ARL15: variants seen among roughly 807,000 people sequenced by gnomAD.
ARL15 encodes the protein ARF like GTPase 15.
A neutral mutation model predicts 25.2 loss-of-function variants in ARL15; 19 were observed. The observed-to-expected ratio is 0.75, with a 90% CI of 0.53 to 1.10. ARL15 has a LOEUF of 1.10. ARL15 is among the 50% of genes least tolerant of loss of function. The pLI is 0.00. For missense variants in ARL15, 220 were observed against 246.0 expected (o/e 0.89, Z 0.71); for synonymous variants, 94 against 86.8 (o/e 1.08, Z -0.46).
intron 4 of ARL15, among the ~76,000 whole-genome samples, chr5:54,075,966 T>C (rs1282825081): frequency 1.3e-5 from 2 of 152,166 alleles, no homozygotes; most frequent in African/African-American, 2.4e-5. Flanking sequence ...TTTTAACCCA[T>C]TATACTACCT....
intron 4 of ARL15, among the ~76,000 whole-genome samples, chr5:54,111,607 GA>G (rs1351559015): frequency 3.9e-5 from 6 of 152,024 alleles, no homozygotes; most frequent in Non-Finnish European, 8.8e-5. Context: ...TCTTTTTTCA[GA>G]TATTGCAAAT....
intron 2 of ARL15, among the ~76,000 whole-genome samples, chr5:54,157,036 G>A (rs1283742346): frequency 6.6e-6 from 1 of 152,212 alleles, no homozygotes; most frequent in Non-Finnish European, 1.5e-5. Flanking sequence ...GTGAAATCCT[G>A]AAAATGAAAA....
chr5:53,894,483 G>GAGCAAAC (rs762905074), intron 4 of ARL15, among the ~76,000 whole-genome samples: 14 of 152,170 alleles, frequency 9.2e-5, no homozygotes, highest in Non-Finnish European at 1.9e-4. Flanking sequence ...AAGAAGTACA[G>GAGCAAAC]AGCAAACATG....
chr5:54,071,520 C>G (rs200465582), intron 4 of ARL15, among the ~76,000 whole-genome samples: 1,233 of 101,934 alleles, frequency 0.012, 57 homozygotes, highest in African/African-American at 0.02. Flanking sequence ...TCCCCCCCCC[C>G]CCCCCGCAAA....
intron 2 of ARL15, among the ~76,000 whole-genome samples, chr5:54,170,297 C>T (rs942316879): frequency 6.6e-6 from 1 of 152,184 alleles, no homozygotes; most frequent in African/African-American, 2.4e-5. Flanking sequence ...GTTGCACCAT[C>T]ACAGTAATCT....
intron 4 of ARL15, among the ~76,000 whole-genome samples, chr5:54,011,903 G>C (rs1749253518): frequency 6.6e-6 from 1 of 151,984 alleles, no homozygotes; most frequent in South Asian, 2.1e-4. Context: ...CAGCTACTGG[G>C]GAGGCTGTGG....
At chr5:54,180,018 GA>G (rs11336058) in intron 1 of ARL15, among the ~76,000 whole-genome samples, 49,435 of 109,812 alleles carry the variant, frequency 0.45, 9,646 homozygotes, top group Middle Eastern at 0.49. Flanking sequence ...ACTGTCTCGA[GA>G]AAAAAAAAAA....
chr5:53,923,347 T>G (rs930624249), intron 4 of ARL15, among the ~76,000 whole-genome samples: 1 of 152,214 alleles, frequency 6.6e-6, no homozygotes. Flanking sequence ...CTGCATAAAA[T>G]ATGACGCAGT....
intron 4 of ARL15, among the ~76,000 whole-genome samples, chr5:54,011,883 C>T (rs1749252811): frequency 6.6e-6 from 1 of 152,086 alleles, no homozygotes; most frequent in South Asian, 2.1e-4. Context: ...GTGGCACGCA[C>T]CTGTAGTCCC....
intron 4 of ARL15, among the ~76,000 whole-genome samples, chr5:53,946,747 T>C: frequency 6.6e-6 from 1 of 152,172 alleles, no homozygotes; most frequent in Admixed American, 6.5e-5. Context: ...AGCTAGCATT[T>C]TGGCAGCCCA....
intron 2 of ARL15, among the ~76,000 whole-genome samples, chr5:54,171,024 C>T (rs558208024): frequency 6.6e-6 from 1 of 152,276 alleles, no homozygotes; most frequent in Admixed American, 6.5e-5. Context: ...ACTCTTCTTT[C>T]CTTCTTCATT....
intron 4 of ARL15, among the ~76,000 whole-genome samples, chr5:54,044,786 T>C (rs1750456413): frequency 2.0e-5 from 3 of 152,228 alleles, no homozygotes; most frequent in Admixed American, 1.3e-4. Context: ...TAAAAATCTC[T>C]ACAAACATTA....
chr5:53,908,064 G>A (rs914574323), intron 4 of ARL15, among the ~76,000 whole-genome samples: 2 of 152,054 alleles, frequency 1.3e-5, no homozygotes, highest in Non-Finnish European at 2.9e-5. Flanking sequence ...ATGCAGTTTC[G>A]CTTTCCGTGG....
chr5:54,255,864 A>G (rs1037622919), intron 1 of ARL15, among the ~76,000 whole-genome samples: 1 of 152,222 alleles, frequency 6.6e-6, no homozygotes, highest in Admixed American at 6.5e-5. Flanking sequence ...ATTCTTCAAG[A>G]TGAATGATAA....
intron 4 of ARL15, among the ~76,000 whole-genome samples, chr5:53,912,967 G>A (rs1745513975): frequency 6.6e-6 from 1 of 152,192 alleles, no homozygotes; most frequent in South Asian, 2.1e-4. Context: ...GTACTAGGAA[G>A]ATGAAGCAGG....
At chr5:53,912,447 T>C (rs1008695183) in intron 4 of ARL15, among the ~76,000 whole-genome samples, 2 of 152,198 alleles carry the variant, frequency 1.3e-5, no homozygotes, top group Non-Finnish European at 2.9e-5. Context: ...TAGGTACTTA[T>C]AATAGGGTTG....
chr5:53,980,463 T>G (rs892655913), intron 4 of ARL15, among the ~76,000 whole-genome samples: 3 of 152,220 alleles, frequency 2.0e-5, no homozygotes, highest in African/African-American at 7.2e-5. Flanking sequence ...TAGGCCCCAA[T>G]TTTAAGCGCT....
intron 3 of ARL15, among the ~76,000 whole-genome samples, chr5:54,130,353 C>G (rs1040189773): frequency 1.3e-5 from 2 of 152,216 alleles, no homozygotes; most frequent in Admixed American, 6.5e-5. Context: ...GAAGCACTCT[C>G]TTTCCTAATG....
At chr5:53,886,741 G>A (rs1177252822) in intron 4 of ARL15, 28 bp from the exon 5 acceptor site, 1 of 1,512,388 alleles carries the variant, frequency 6.6e-7, no homozygotes, top group African/African-American at 1.4e-5. Flanking sequence ...AAGATAAATA[G>A]GTTATTAATT....
Sources: allele counts gnomAD v4.1 joint callset (sites outside exome capture counted in the v4.1 genomes callset), GRCh38; gene constraint gnomAD v4.1.1; transcripts MANE v1.5; gene names NCBI Gene and HGNC (gene_info 2026-07-23, HGNC 2026-07-21).